ADGRA1: variants seen among roughly 807,000 people sequenced by gnomAD.
ADGRA1 encodes the protein adhesion G protein-coupled receptor A1.
ADGRA1 carries 12 observed loss-of-function variants against 21.3 expected under a neutral mutation model. The ratio of observed to expected loss-of-function variants is 0.56; its 90% confidence interval spans 0.36 to 0.91. ADGRA1 has a LOEUF of 0.91. ADGRA1 is among the 40% of genes least tolerant of loss of function. The pLI, the probability that ADGRA1 is intolerant of heterozygous loss-of-function variation, is 0.01. For synonymous variants in ADGRA1, 385 were observed against 368.8 expected (o/e 1.04, Z -0.50); for missense variants, 790 against 805.6 (o/e 0.98, Z 0.23).
intron 4 of ADGRA1, among the ~76,000 whole-genome samples, chr10:133,099,155 G>A (rs565273404): frequency 6.9e-6 from 1 of 144,420 alleles, no homozygotes; most frequent in Non-Finnish European, 1.6e-5. Flanking sequence ...CGCCCCTCCC[G>A]GAGAAAGTGC....
chr10:133,110,766 C>G (rs1356628650), intron 5 of ADGRA1, among the ~76,000 whole-genome samples: 2 of 152,190 alleles, frequency 1.3e-5, no homozygotes, highest in African/African-American at 4.8e-5. Context: ...TCCTCTATAC[C>G]CATATCTCAC....
intron 2 of ADGRA1, among the ~76,000 whole-genome samples, chr10:133,089,821 T>G (rs1851568825): frequency 6.6e-6 from 1 of 152,228 alleles, no homozygotes; most frequent in African/African-American, 2.4e-5. Context: ...AGTGGCTGCT[T>G]CACCTCTGAG....
At chr10:133,118,228 G>A (rs896079230) in intron 5 of ADGRA1, among the ~76,000 whole-genome samples, 2 of 152,184 alleles carry the variant, frequency 1.3e-5, no homozygotes, top group African/African-American at 4.8e-5. Flanking sequence ...GCGGATGTAC[G>A]GTCCATGGAG....
At chr10:133,125,365 T>C (rs1268429272) in intron 5 of ADGRA1, among the ~76,000 whole-genome samples, 1 of 152,262 alleles carries the variant, frequency 6.6e-6, no homozygotes, top group East Asian at 1.9e-4. Context: ...CTTCCATTTC[T>C]CCTTTACTTC....
intron 3 of ADGRA1, among the ~76,000 whole-genome samples, chr10:133,098,062 G>C (rs1018046702): frequency 3.3e-5 from 5 of 152,214 alleles, no homozygotes; most frequent in Non-Finnish European, 5.9e-5. Context: ...AGAGGATGAG[G>C]CGAGGCCATG....
intron 2 of ADGRA1, among the ~76,000 whole-genome samples, chr10:133,091,450 T>A (rs1273751240): frequency 1.3e-5 from 2 of 152,184 alleles, no homozygotes; most frequent in African/African-American, 4.8e-5. Flanking sequence ...ACAATTGCAA[T>A]ATTTAGGTGC....
At chr10:133,127,211 T>C in intron 5 of ADGRA1, 22 bp from the exon 6 acceptor site, 1 of 1,526,330 alleles carries the variant, frequency 6.6e-7, no homozygotes, top group Admixed American at 2.1e-5. Flanking sequence ...TGCAAGGGGG[T>C]CAACGCCTTC....
At chr10:133,108,515 C>T (rs2135885212) in intron 5 of ADGRA1, among the ~76,000 whole-genome samples, 1 of 152,166 alleles carries the variant, frequency 6.6e-6, no homozygotes, top group South Asian at 2.1e-4. Context: ...CCCCCCAGGC[C>T]CACAGAGGCA....
chr10:133,097,173 G>A, intron 3 of ADGRA1, 72 bp downstream of exon 3: 1 of 1,559,360 alleles, frequency 6.4e-7, no homozygotes, highest in Admixed American at 1.7e-5. Flanking sequence ...GCAAGTCCCT[G>A]AAGGGCAATG....
chr10:133,098,883 T>C (rs527492419), intron 4 of ADGRA1, 120 bp downstream of exon 4: 1 of 1,337,274 alleles, frequency 7.5e-7, no homozygotes, highest in Non-Finnish European at 1.0e-6. Context: ...GGTCGGACCC[T>C]GGCACATCGG....
Position 133,088,123 on chromosome 10 carries a change from G to A in ADGRA1, c.-218G>A. 2.0e-6 allele frequency: 2 copies of A among 984,846 alleles called. No homozygotes were observed. Among genetic ancestry groups the A allele is most frequent in the Non-Finnish European group, 2.4e-6 (2 of 829,512 alleles). 61.0% of individuals were successfully genotyped at this position (984,846 alleles called of 1,614,324 possible). A position where few individuals can be genotyped will look rare whatever the true frequency, so the allele number is the denominator to read the frequency against. ...GCGCGGCCCGGCCGCCCCGGCAGCC[G>A]CTTCGGCCACAGCAGGTGGGAAGGA... On this transcript the variant is annotated 5_prime_UTR_variant, in exon 1 of 7. Coordinates refer to ENST00000392607, the MANE Select transcript of ADGRA1 (RefSeq NM_001083909.3).
At chr10:133,094,861 G>A (rs937013397) in intron 2 of ADGRA1, among the ~76,000 whole-genome samples, 1 of 152,140 alleles carries the variant, frequency 6.6e-6, no homozygotes, top group Non-Finnish European at 1.5e-5. Flanking sequence ...TACCCACATG[G>A]GGCATTCTCC....
rs753317602 is a variant in ADGRA1, at chr10:133,102,859, G to C, written c.401+17G>C. On this transcript the variant is annotated intron_variant, in intron 5 of 6. Coordinates refer to ENST00000392607, the MANE Select transcript of ADGRA1 (RefSeq NM_001083909.3). Reference sequence around the variant, plus strand: ...CCTGCTCAGGTACTGAGTGCACATGGGCGCGAGGCCCCGCCACCTGGGCCC... The same window carrying C: ...CCTGCTCAGGTACTGAGTGCACATGCGCGCGAGGCCCCGCCACCTGGGCCC... 6.3e-7 allele frequency: 1 copy of C among 1,596,166 alleles called. No homozygotes were observed. Among genetic ancestry groups the C allele is most frequent in the Non-Finnish European group, 8.6e-7 (1 of 1,166,356 alleles).
rs1852496202 is a variant in ADGRA1 at position 133,130,621 on chromosome 10, CTCCT to C, written c.*1112_*1115del. On this transcript the variant is annotated 3_prime_UTR_variant, in exon 7 of 7. Transcript: ENST00000392607. ...CACAGCTTTCCCTCCCTCCCTCTTC[CTCCT>C]TGTCTGTGACACATGTGCACCCACA... 1 of 151,946 alleles carries C rather than the reference CTCCT, an allele frequency of 6.6e-6. No homozygotes were observed. Among genetic ancestry groups the C allele is most frequent in the Non-Finnish European group, 1.5e-5 (1 of 68,032 alleles). 9.4% of individuals were successfully genotyped at this position (151,946 alleles called of 1,614,324 possible).
In ADGRA1 at chr10:133,093,405, C is replaced by A. The variant is rs573223315; in HGVS notation, c.4-3569C>A. 9.5e-6 allele frequency: 10 copies of A among 1,050,984 alleles called. No homozygotes were observed. In the East Asian group the frequency reaches 1.3e-4, roughly 14 times the overall value. 65.1% of individuals were successfully genotyped at this position (1,050,984 alleles called of 1,614,324 possible). A position where few individuals can be genotyped will look rare whatever the true frequency, so the allele number is the denominator to read the frequency against. On this transcript the variant is annotated intron_variant, in intron 2 of 6. Transcript: ENST00000392607. ...GACCTCCAATTAAAATGAGGGAAAA[C>A]AGAGGAGGAAGTTATGACTAAAGAA...
At chr10:133,111,908 T>TCCCACCA (rs1852027013) in intron 5 of ADGRA1, among the ~76,000 whole-genome samples, 1 of 96,018 alleles carries the variant, frequency 1.0e-5, no homozygotes, top group Non-Finnish European at 2.2e-5. Flanking sequence ...TCCCTCCTAA[T>TCCCACCA]GCCTCCAGAC....
rs549266309 is a variant in ADGRA1, at chr10:133,129,963, C to T, written c.*452C>T. 100 of 173,718 alleles carry T rather than the reference C, an allele frequency of 5.8e-4. No individual in the cohort carries two copies. The highest frequency in any genetic ancestry group is 1.0e-3 in the Non-Finnish European group (82 of 81,328). 10.8% of individuals were successfully genotyped at this position (173,718 alleles called of 1,614,324 possible). ...TGGTGTGGCCGGGCAGGGCCGAGAT[C>T]GCAGGAGGGGGCTGCCCTGACCTTT... On this transcript the variant is annotated 3_prime_UTR_variant, in exon 7 of 7. Coordinates refer to ENST00000392607, the MANE Select transcript of ADGRA1 (RefSeq NM_001083909.3).
At chr10:133,114,551 C>T (rs773989427) in intron 5 of ADGRA1, among the ~76,000 whole-genome samples, 4 of 152,190 alleles carry the variant, frequency 2.6e-5, no homozygotes, top group Admixed American at 6.5e-5. Context: ...CCGACACCCG[C>T]GGCGTCCTCC....
At chr10:133,111,932 T>TCCA (rs1564849639) in intron 5 of ADGRA1, among the ~76,000 whole-genome samples, 1 of 12,222 alleles carries the variant, frequency 8.2e-5, no homozygotes, top group African/African-American at 4.4e-4. Context: ...CTGCCCGCCG[T>TCCA]GAGCACCTCC....
Sources: gnomAD v4.1 joint callset for allele counts (sites outside exome capture counted in the v4.1 genomes callset) on GRCh38, gnomAD v4.1.1 for gene constraint, MANE v1.5 for transcripts, NCBI Gene and HGNC (gene_info 2026-07-23, HGNC 2026-07-21) for gene names.